Variants in GRK5 observed in about 807,000 individuals in gnomAD.
GRK5 encodes the protein G protein-coupled receptor kinase 5.
Under a neutral mutation model 78.4 loss-of-function variants are expected in GRK5, and 40 were observed. The observed-to-expected ratio is 0.51, with a 90% CI of 0.40 to 0.66. GRK5 has a LOEUF of 0.66. GRK5 is among the 30% of genes least tolerant of loss of function. GRK5 has a pLI of 0.00. For synonymous variants in GRK5, 289 were observed against 296.8 expected, an observed-to-expected ratio of 0.97 and a Z score of 0.27; for missense variants, 598 against 759.9, an observed-to-expected ratio of 0.79 and a Z score of 2.50.
intron 4 of GRK5, among the ~76,000 whole-genome samples, chr10:119,421,980 C>T (rs760575080): frequency 1.3e-5 from 2 of 152,142 alleles, no homozygotes; most frequent in Non-Finnish European, 2.9e-5. Flanking sequence ...AGAAACCATC[C>T]AGTGGACTCT....
chr10:119,327,389 C>G (rs1850697497), intron 2 of GRK5, among the ~76,000 whole-genome samples: 1 of 152,136 alleles, frequency 6.6e-6, no homozygotes, highest in African/African-American at 2.4e-5. Context: ...CCTCTGTGCC[C>G]TGGGGTGGGT....
intron 11 of GRK5, 134 bp downstream of exon 11, chr10:119,442,222 C>T: frequency 1.3e-6 from 1 of 755,932 alleles, no homozygotes. Flanking sequence ...GTCACAGTCT[C>T]TGCAGGGCTG....
At chr10:119,228,696 G>A (rs1472141965) in intron 1 of GRK5, among the ~76,000 whole-genome samples, 1 of 152,070 alleles carries the variant, frequency 6.6e-6, no homozygotes, top group Non-Finnish European at 1.5e-5. Flanking sequence ...TAGTGAGCAG[G>A]GGTTAGGAAA....
chr10:119,277,077 C>G (rs370034347), intron 1 of GRK5, among the ~76,000 whole-genome samples: 1 of 152,222 alleles, frequency 6.6e-6, no homozygotes, highest in Admixed American at 6.5e-5. Flanking sequence ...ACGTTTTAGC[C>G]TAATTTGGTG....
Position 119,430,030 on chromosome 10 carries a change from G to C in GRK5, c.534-345G>C, listed in dbSNP as rs1404906818. ...TGCACAGAAGGCACAGCTTCCTTCT[G>C]AGTTTCGCCGCATGATTTGCAGAGA... On this transcript the variant is annotated intron_variant, in intron 6 of 15. Transcript: ENST00000392870. The surrounding 1 kb of genome is among the most constrained non-coding windows in gnomAD (Gnocchi z 4.5). Among the ~76,000 whole-genome samples, 1 of 152,180 alleles carries C rather than the reference G, an allele frequency of 6.6e-6. No individual in the cohort carries two copies. Among genetic ancestry groups the C allele is most frequent in the African/African-American group, 2.4e-5 (1 of 41,438 alleles).
At chr10:119,257,666 A>G (rs1393538103) in intron 1 of GRK5, among the ~76,000 whole-genome samples, 1 of 152,162 alleles carries the variant, frequency 6.6e-6, no homozygotes, top group Non-Finnish European at 1.5e-5. Flanking sequence ...GGAGGCTACA[A>G]TGAGCCGAGA....
At chr10:119,338,778 C>T (rs11198886) in intron 2 of GRK5, among the ~76,000 whole-genome samples, 10,799 of 152,142 alleles carry the variant, frequency 0.071, 525 homozygotes, top group East Asian at 0.22. Context: ...TTCCTTTAAG[C>T]GATCTTGAAA....
intron 2 of GRK5, among the ~76,000 whole-genome samples, chr10:119,355,600 G>A (rs530435016): frequency 5.4e-4 from 82 of 152,268 alleles, no homozygotes; most frequent in African/African-American, 1.8e-3. Flanking sequence ...CCAACATGGC[G>A]AAACCCCTGT....
intron 2 of GRK5, among the ~76,000 whole-genome samples, chr10:119,366,105 G>T (rs1851444836): frequency 6.6e-6 from 1 of 151,160 alleles, no homozygotes; most frequent in African/African-American, 2.4e-5. Flanking sequence ...ACTTGCCCTG[G>T]TGTAGGTCTC....
In GRK5 at chr10:119,328,841, CT is replaced by C. The variant is rs200126145; in HGVS notation, c.148+2231del. Reference sequence around the variant, plus strand: ...TCTGCAGGTGGTGATGCCAGGAGTGCTATGGGGCACAGCCAGATGTGAAGGC... The same window carrying C: ...TCTGCAGGTGGTGATGCCAGGAGTGCATGGGGCACAGCCAGATGTGAAGGC... On this transcript the variant is annotated intron_variant, in intron 2 of 15. Coordinates refer to ENST00000392870, the MANE Select transcript of GRK5 (RefSeq NM_005308.3). Among the ~76,000 whole-genome samples, 876 of 152,360 alleles carry C rather than the reference CT, an allele frequency of 5.7e-3. 12 individuals are homozygous for C. Among genetic ancestry groups the C allele is most frequent in the African/African-American group, 0.02 (819 of 41,586 alleles).
At chr10:119,387,472 C>T (rs1244811599) in intron 3 of GRK5, among the ~76,000 whole-genome samples, 1 of 152,128 alleles carries the variant, frequency 6.6e-6, no homozygotes, top group Admixed American at 6.5e-5. Flanking sequence ...CTTCCAGGAA[C>T]CTGAGAAAGA....
chr10:119,386,932 G>A (rs1851808080), intron 3 of GRK5, among the ~76,000 whole-genome samples: 1 of 152,136 alleles, frequency 6.6e-6, no homozygotes, highest in Non-Finnish European at 1.5e-5. Context: ...CTACCAAGTG[G>A]AGCTTTTAAA....
chr10:119,373,289 G>T (rs1332760188), intron 2 of GRK5, among the ~76,000 whole-genome samples: 1 of 152,212 alleles, frequency 6.6e-6, no homozygotes, highest in Non-Finnish European at 1.5e-5. Flanking sequence ...CAGTCAGTAG[G>T]TGATATGGTT....
rs1408656429 is a variant in GRK5 at position 119,271,730 on chromosome 10, G to T, written c.53-54786G>T. On this transcript the variant is annotated intron_variant, in intron 1 of 15. Transcript: ENST00000392870. This position sits in a 1 kb window ranked among gnomAD's most constrained non-coding sequence, Gnocchi z 4.1. Reference sequence around the variant, plus strand: ...GTGTGAGCACTAGGTTGGTGACGAGGTTTAGCAGCAGGTGGACTCTGGAGC... The same window carrying T: ...GTGTGAGCACTAGGTTGGTGACGAGTTTTAGCAGCAGGTGGACTCTGGAGC... Among the ~76,000 whole-genome samples the T allele has an allele frequency of 6.6e-6, 1 of 152,218 alleles. No individual in the cohort carries two copies.
intron 1 of GRK5, among the ~76,000 whole-genome samples, chr10:119,230,886 C>T (rs570226413): frequency 1.4e-5 from 2 of 145,486 alleles, no homozygotes; most frequent in Non-Finnish European, 3.0e-5. Context: ...AGAGGAGGCT[C>T]AAAAACTACC....
intron 1 of GRK5, among the ~76,000 whole-genome samples, chr10:119,313,000 TGGTCGTGAC>T (rs1233075560): frequency 4.9e-4 from 73 of 147,668 alleles, no homozygotes; most frequent in Non-Finnish European, 6.4e-4. Flanking sequence ...GTGGTAATGG[TGGTCGTGAC>T]GGTGATGGTA....
intron 3 of GRK5, among the ~76,000 whole-genome samples, chr10:119,391,620 C>T (rs141268298): frequency 2.0e-4 from 30 of 152,172 alleles, no homozygotes; most frequent in African/African-American, 6.0e-4. Context: ...GAAGAGGGTC[C>T]GGGAGCCTGC....
intron 1 of GRK5, among the ~76,000 whole-genome samples, chr10:119,311,230 G>A (rs369463868): frequency 6.6e-6 from 1 of 152,186 alleles, no homozygotes; most frequent in East Asian, 1.9e-4. Context: ...GATTGATGGA[G>A]CTTTTGCTAT....
intron 2 of GRK5, among the ~76,000 whole-genome samples, chr10:119,329,286 G>A (rs1421434796): frequency 6.6e-6 from 1 of 152,208 alleles, no homozygotes; most frequent in Non-Finnish European, 1.5e-5. Flanking sequence ...ACAAGAGGGA[G>A]TAGATGCGGT....
Sources: allele counts gnomAD v4.1 joint callset (sites outside exome capture counted in the v4.1 genomes callset), GRCh38; gene constraint gnomAD v4.1.1; non-coding constraint Gnocchi (gnomAD v3.1); transcripts MANE v1.5; gene names NCBI Gene and HGNC (gene_info 2026-07-23, HGNC 2026-07-21).